The following ZNF148 variants were observed in gnomAD, a reference collection of about 807,000 sequenced individuals.
The protein encoded by ZNF148 is zinc finger protein 148.
Under a neutral mutation model 67.7 loss-of-function variants are expected in ZNF148, and 7 were observed. That is an observed-to-expected ratio of 0.10 (90% CI 0.06 to 0.19). The LOEUF (loss-of-function observed/expected upper bound fraction) is 0.19, where lower values mean the gene tolerates loss of function less well. Ranked by LOEUF, ZNF148 falls within the 10% of genes least tolerant of loss-of-function variation. ZNF148 has a pLI of 1.00. For missense variants in ZNF148, 583 were observed against 947.1 expected (o/e 0.62, Z 5.05); for synonymous variants, 333 against 330.7 (o/e 1.01, Z -0.08).
At chr3:125,285,585 G>C (rs556709880) in intron 5 of ZNF148, among the ~76,000 whole-genome samples, 1 of 151,924 alleles carries the variant, frequency 6.6e-6, no homozygotes, top group Non-Finnish European at 1.5e-5. Flanking sequence ...CCAGAGACAG[G>C]GTTCCACAAT....
At chr3:125,353,882 T>C (rs965564394) in intron 1 of ZNF148, among the ~76,000 whole-genome samples, 10 of 152,216 alleles carry the variant, frequency 6.6e-5, no homozygotes, top group African/African-American at 2.4e-4. Context: ...GAGACCAGCC[T>C]GGGCAACATA....
chr3:125,306,475 CA>C (rs1458564376), intron 4 of ZNF148, among the ~76,000 whole-genome samples: 2 of 151,892 alleles, frequency 1.3e-5, no homozygotes, highest in Non-Finnish European at 2.9e-5. Context: ...CTTAAAACAA[CA>C]AAAGAAAATA....
chr3:125,235,504 A>C (rs1201541511), intron 7 of ZNF148, among the ~76,000 whole-genome samples: 1 of 151,932 alleles, frequency 6.6e-6, no homozygotes, highest in African/African-American at 2.4e-5. Context: ...GACCCAACCC[A>C]TCTCCTTTGG....
At chr3:125,249,703 T>C (rs1416026296) in intron 7 of ZNF148, among the ~76,000 whole-genome samples, 1 of 152,232 alleles carries the variant, frequency 6.6e-6, no homozygotes, top group Non-Finnish European at 1.5e-5. Context: ...ACTGAAATCA[T>C]TATCTTAAAG....
At chr3:125,294,440 G>A (rs925270073) in intron 4 of ZNF148, among the ~76,000 whole-genome samples, 1 of 152,182 alleles carries the variant, frequency 6.6e-6, no homozygotes, top group Non-Finnish European at 1.5e-5. Flanking sequence ...GGGAAGCTGT[G>A]TGAAAAGTTC....
rs772924062 is a variant in ZNF148, at chr3:125,268,937, A to G, written c.667+8789T>C. The stretch of plus-strand genomic sequence containing the variant: ...CTACAGAATGGGAGAAAATATTCAC[A>G]AACTATGAATTCAACAAGAAACTAA... On this transcript the variant is annotated intron_variant, in intron 7 of 8. Coordinates refer to ENST00000360647, the MANE Select transcript of ZNF148 (RefSeq NM_021964.3). Among the ~76,000 whole-genome samples the G allele has an allele frequency of 2.6e-5, 4 of 152,362 alleles. No homozygotes were observed. The East Asian group carries it at 7.7e-4, about 29-fold the overall frequency.
rs1935967122 is a variant in ZNF148 at position 125,233,903 on chromosome 3, G to A, written c.823C>T (p.Arg275Cys). Reference sequence around the variant, plus strand: ...TTGTCATGATTTTCATGGCACATACGTTTATGTTTCAATACACGATCTGTT... The same window carrying A: ...TTGTCATGATTTTCATGGCACATACATTTATGTTTCAATACACGATCTGTT... ...SRTDRVLKHK[R>C]MCHENHDKKL... The change falls in exon 9 of 9, where the codon CGT becomes TGT. Residue 275 changes from arginine to cysteine, a missense_variant. Arg to Cys is a radical substitution (Grantham distance 180). Around this residue, in one of 5 missense-constraint regions of ZNF148, gnomAD observed 25 missense variants for 142.0 expected, o/e 0.18. Transcript: ENST00000360647. The surrounding 1 kb of genome is among the most constrained non-coding windows in gnomAD (Gnocchi z 5.1). 6.2e-7 allele frequency: 1 copy of A among 1,609,724 alleles called. No homozygotes were observed. The highest frequency in any genetic ancestry group is 1.7e-5 in the Admixed American group (1 of 59,462).
At chr3:125,337,117 G>A (rs1006005255) in intron 1 of ZNF148, among the ~76,000 whole-genome samples, 23 of 151,394 alleles carry the variant, frequency 1.5e-4, no homozygotes, top group Non-Finnish European at 2.6e-4. Context: ...GGAGCACTCA[G>A]ATATATAGAA....
chr3:125,303,080 T>C (rs937753110), intron 4 of ZNF148, among the ~76,000 whole-genome samples: 1 of 152,158 alleles, frequency 6.6e-6, no homozygotes, highest in Admixed American at 6.5e-5. Context: ...CTCAAGAGCA[T>C]TACGTTGAGT....
At position 125,233,960 on chromosome 3, in the gene ZNF148, T is replaced by C; in HGVS notation, c.787-21A>G. On this transcript the variant is annotated intron_variant, in intron 8 of 8. Transcript: ENST00000360647. This position sits in a 1 kb window ranked among gnomAD's most constrained non-coding sequence, Gnocchi z 5.1. ...AAATACTGTTGAATTCAGAGGATGG[T>C]AGTGGGTTGTTTGTGGTTTTGGTCA... The C allele has an allele frequency of 6.4e-7, 1 of 1,554,632 alleles. No individual in the cohort carries two copies. Among genetic ancestry groups the C allele is most frequent in the Non-Finnish European group, 8.6e-7 (1 of 1,159,702 alleles).
chr3:125,340,920 G>A (rs1331733881), intron 1 of ZNF148, among the ~76,000 whole-genome samples: 2 of 148,134 alleles, frequency 1.4e-5, no homozygotes, highest in Non-Finnish European at 3.0e-5. Flanking sequence ...CCCAGGAGGC[G>A]GAGCTTGCAG....
chr3:125,236,365 C>T (rs1936092219), intron 7 of ZNF148, among the ~76,000 whole-genome samples: 1 of 152,084 alleles, frequency 6.6e-6, no homozygotes, highest in African/African-American at 2.4e-5. Context: ...CGCCTTGCCC[C>T]TTGTGATAAT....
chr3:125,344,477 TC>T, intron 1 of ZNF148: 1 of 1,110,828 alleles, frequency 9.0e-7, no homozygotes. Context: ...ATGGGTCCCT[TC>T]CACCAAAAAA....
Position 125,340,015 on chromosome 3 carries a change from C to T in ZNF148, c.-233-8777G>A, listed in dbSNP as rs187888023. Among the ~76,000 whole-genome samples, 64 of 152,114 alleles carry T rather than the reference C, an allele frequency of 4.2e-4. 1 individual carries two copies. The highest frequency in any genetic ancestry group is 2.1e-3 in the East Asian group (11 of 5,184). ...TCTGTTCTCCTACTGCCCCTACTCACGAAGCACAACTGTAAACCACTGAAA... is the reference window on the plus strand; with the variant it reads ...TCTGTTCTCCTACTGCCCCTACTCATGAAGCACAACTGTAAACCACTGAAA... On this transcript the variant is annotated intron_variant, in intron 1 of 8. Coordinates refer to ENST00000360647, the MANE Select transcript of ZNF148 (RefSeq NM_021964.3).
chr3:125,237,744 A>C (rs1399969012), intron 7 of ZNF148, among the ~76,000 whole-genome samples: 1 of 152,214 alleles, frequency 6.6e-6, no homozygotes, highest in Non-Finnish European at 1.5e-5. Flanking sequence ...CTTAACATTA[A>C]GATGGCAAAA....
intron 1 of ZNF148, among the ~76,000 whole-genome samples, chr3:125,334,440 C>G (rs904764545): frequency 6.6e-6 from 1 of 152,036 alleles, no homozygotes; most frequent in African/African-American, 2.4e-5. Flanking sequence ...ATAGAAAAAT[C>G]AAAGCAGGGA....
chr3:125,248,165 G>A (rs1936685369), intron 7 of ZNF148, among the ~76,000 whole-genome samples: 1 of 152,156 alleles, frequency 6.6e-6, no homozygotes, highest in South Asian at 2.1e-4. Flanking sequence ...TAAAATGGCT[G>A]GATATGTAGG....
At chr3:125,371,437 C>T (rs1053381593) in intron 1 of ZNF148, among the ~76,000 whole-genome samples, 16 of 146,476 alleles carry the variant, frequency 1.1e-4, no homozygotes, top group African/African-American at 3.5e-4. Context: ...GAAGCCGAAG[C>T]GGACAGATCA....
chr3:125,229,208 T>C lies in ZNF148; in HGVS notation c.*3133A>G, dbSNP rs1229861459. 6.6e-6 allele frequency: 1 copy of C among 150,918 alleles called. No homozygotes were observed. The highest frequency in any genetic ancestry group is 2.4e-5 in the African/African-American group (1 of 41,006). 9.3% of individuals were successfully genotyped at this position (150,918 alleles called of 1,614,324 possible). On this transcript the variant is annotated 3_prime_UTR_variant, in exon 9 of 9. Coordinates refer to ENST00000360647, the MANE Select transcript of ZNF148 (RefSeq NM_021964.3). Reference sequence around the variant, plus strand: ...CTACTTTTAAAGTTTCCCGGCCTTTTTTTTTTTTTTTTAAACAGCCCTTTA... The same window carrying C: ...CTACTTTTAAAGTTTCCCGGCCTTTCTTTTTTTTTTTTAAACAGCCCTTTA...
Sources: allele counts gnomAD v4.1 joint callset (sites outside exome capture counted in the v4.1 genomes callset), GRCh38; gene constraint gnomAD v4.1.1; regional missense constraint gnomAD v4.1.1; non-coding constraint Gnocchi (gnomAD v3.1); transcripts MANE v1.5; gene names NCBI Gene and HGNC (gene_info 2026-07-23, HGNC 2026-07-21).